The following ZNF595 variants were observed in gnomAD, a reference collection of about 807,000 sequenced individuals.
ZNF595 encodes zinc finger protein 595.
In ZNF595, 9 loss-of-function variants were observed where a neutral mutation model predicts 19.4. The ratio of observed to expected loss-of-function variants is 0.46; its 90% confidence interval spans 0.28 to 0.81. ZNF595 has a LOEUF of 0.81. Ranked by LOEUF, ZNF595 falls within the 30% of genes least tolerant of loss-of-function variation. The probability of loss-of-function intolerance (pLI) is 0.11; values close to 1 mark genes in which losing one functional copy is unlikely to be tolerated. For synonymous variants in ZNF595, 255 were observed against 255.9 expected (o/e 1.00, Z 0.03); for missense variants, 729 against 736.0 (o/e 0.99, Z 0.11).
At position 81,155 on chromosome 4, in the gene ZNF595, C is replaced by G. The variant is rs576143373; in HGVS notation, c.227-4576C>G. 5.3e-5 allele frequency among the ~76,000 whole-genome samples: 8 copies of G among 152,286 alleles called. No homozygotes were observed. In the South Asian group the frequency reaches 1.0e-3, roughly 20 times the overall value. ...GCTTCATGCATGTCCCTGCAAAGGA[C>G]GTGAACTCATTCTTTTTTATGGCTG... On this transcript the variant is annotated intron_variant, in intron 3 of 3. Coordinates refer to ENST00000610261, the MANE Select transcript of ZNF595 (RefSeq NM_182524.4).
chr4:70,481 G>A (rs1245330838), intron 3 of ZNF595, among the ~76,000 whole-genome samples: 2 of 151,928 alleles, frequency 1.3e-5, no homozygotes, highest in Non-Finnish European at 2.9e-5. Flanking sequence ...GGGACTACAG[G>A]CGTGCACCCC....
intron 3 of ZNF595, among the ~76,000 whole-genome samples, chr4:78,796 G>A (rs1305931844): frequency 6.6e-6 from 1 of 151,990 alleles, no homozygotes; most frequent in Non-Finnish European, 1.5e-5. Context: ...TCAGCTTACC[G>A]CAGCCTCCTG....
chr4:85,140 T>A (rs980209033), intron 3 of ZNF595, among the ~76,000 whole-genome samples: 1 of 152,208 alleles, frequency 6.6e-6, no homozygotes, highest in African/African-American at 2.4e-5. Context: ...TGTTTGTTTT[T>A]CAGTGAAAAG....
chr4:84,129 A>G (rs1330161216), intron 3 of ZNF595, among the ~76,000 whole-genome samples: 2 of 152,122 alleles, frequency 1.3e-5, no homozygotes, highest in Non-Finnish European at 2.9e-5. Flanking sequence ...TTTGTTATTA[A>G]TGTCACTAAT....
At chr4:80,302 C>T (rs553295310) in intron 3 of ZNF595, among the ~76,000 whole-genome samples, 18 of 152,124 alleles carry the variant, frequency 1.2e-4, no homozygotes, top group Non-Finnish European at 1.9e-4. Context: ...TATAGGCGTG[C>T]GCCACCGCGC....
At chr4:75,802 G>A (rs1219951415) in intron 3 of ZNF595, among the ~76,000 whole-genome samples, 1 of 146,298 alleles carries the variant, frequency 6.8e-6, no homozygotes, top group East Asian at 2.0e-4. Flanking sequence ...TTTTTGGGGG[G>A]TTTTTTGGTT....
rs781898625 is a variant in ZNF595 at position 87,071 on chromosome 4, C to G, written c.1567C>G (p.Leu523Val). The G allele has an allele frequency of 6.2e-7, 1 of 1,613,806 alleles. No homozygotes were observed. The highest frequency in any genetic ancestry group is 1.1e-5 in the South Asian group (1 of 91,050). ...CAAAGCTTTTAACCAATCCTCAGGC[C>G]TTATTATACACAGGAGCATTCATTC... ...CGKAFNQSSG[L>V]IIHRSIHSEQ... The change falls in exon 4 of 4, where the codon CTT (leucine) becomes GTT (valine). Residue 523 changes from leucine (L) to valine (V), a missense_variant. Leu to Val is a conservative substitution (Grantham distance 32, BLOSUM62 1). Around this residue, in one of 2 missense-constraint regions of ZNF595, gnomAD observed 729 missense variants for 675.3 expected, o/e 1.08. Coordinates refer to ENST00000610261, the MANE Select transcript of ZNF595 (RefSeq NM_182524.4).
At chr4:76,311 T>C (rs1713657401) in intron 3 of ZNF595, among the ~76,000 whole-genome samples, 1 of 152,272 alleles carries the variant, frequency 6.6e-6, no homozygotes, top group South Asian at 2.1e-4. Flanking sequence ...CAAGCAAAAG[T>C]TAACTTATGT....
In ZNF595 at chr4:85,953, G is replaced by A. The variant is rs1189335219; in HGVS notation, c.449G>A (p.Cys150Tyr). ...TQSKIFQCNTCVKVFSKFSNS... is the reference protein window; with the variant it reads ...TQSKIFQCNTYVKVFSKFSNS... ...AGCAAAATATTTCAATGTAATACAT[G>A]TGTTAAAGTTTTTAGTAAATTTTCA... is the stretch of plus-strand genomic sequence containing the variant. The change falls in exon 4 of 4, where the codon TGT becomes TAT. Residue 150 changes from cysteine to tyrosine, a missense_variant. By Grantham distance (194) the Cys-to-Tyr change is radical. Transcript: ENST00000610261. 9.3e-6 allele frequency: 15 copies of A among 1,611,094 alleles called. No individual in the cohort carries two copies. The highest frequency in any genetic ancestry group is 1.3e-5 in the Non-Finnish European group (15 of 1,178,320).
intron 3 of ZNF595, among the ~76,000 whole-genome samples, chr4:84,801 C>A (rs1459115124): frequency 6.6e-6 from 1 of 152,052 alleles, no homozygotes; most frequent in Non-Finnish European, 1.5e-5. Context: ...ACGTTTTCAT[C>A]GATACCTCAT....
At chr4:81,929 C>G (rs1415268285) in intron 3 of ZNF595, among the ~76,000 whole-genome samples, 1 of 152,090 alleles carries the variant, frequency 6.6e-6, no homozygotes, top group African/African-American at 2.4e-5. Context: ...GAGAAATTTG[C>G]ATTGCTTTCA....
rs182981764 is a variant in ZNF595, at chr4:70,641, T to C, written c.226+10488T>C. Reference sequence around the variant, plus strand: ...ATGAGTCAGCATGCTCAGCCTCCAATAAATATTCTTGACACCTTTGTCAAA... The same window carrying C: ...ATGAGTCAGCATGCTCAGCCTCCAACAAATATTCTTGACACCTTTGTCAAA... On this transcript the variant is annotated intron_variant, in intron 3 of 3. Coordinates refer to ENST00000610261, the MANE Select transcript of ZNF595 (RefSeq NM_182524.4). Among the ~76,000 whole-genome samples the C allele has an allele frequency of 2.7e-3, 411 of 152,358 alleles. 3 individuals are homozygous for C. The highest frequency in any genetic ancestry group is 9.1e-3 in the South Asian group (44 of 4,828).
At chr4:71,278 T>A (rs1713422013) in intron 3 of ZNF595, among the ~76,000 whole-genome samples, 2 of 152,276 alleles carry the variant, frequency 1.3e-5, no homozygotes, top group African/African-American at 4.8e-5. Flanking sequence ...AACAAAGATA[T>A]AATTTGACTT....
chr4:74,437 T>G (rs1553798365), intron 3 of ZNF595, among the ~76,000 whole-genome samples: 1 of 152,242 alleles, frequency 6.6e-6, no homozygotes, highest in African/African-American at 2.4e-5. Context: ...ATTATCATAT[T>G]TGTCTGTTTT....
At chr4:66,280 T>C (rs1409617803) in intron 3 of ZNF595, among the ~76,000 whole-genome samples, 1 of 152,168 alleles carries the variant, frequency 6.6e-6, no homozygotes, top group South Asian at 2.1e-4. Flanking sequence ...AATTGTGTAT[T>C]TCATCTTTGG....
At position 87,651 on chromosome 4, in the gene ZNF595, T is replaced by G; in HGVS notation, c.*200T>G. The stretch of plus-strand genomic sequence containing the variant: ...ATGACATGTAATTATCACATCAGAG[T>G]AAATGAGTTATTCTTCACAAGCATT... On this transcript the variant is annotated 3_prime_UTR_variant, in exon 4 of 4. Transcript: ENST00000610261. 1 of 419,802 alleles carries G rather than the reference T, an allele frequency of 2.4e-6. No homozygotes were observed. The allele number at this position is 419,802 out of a possible 1,614,324, so 26.0% of individuals were successfully genotyped here.
At chr4:80,479 C>A (rs1249525581) in intron 3 of ZNF595, among the ~76,000 whole-genome samples, 1 of 152,012 alleles carries the variant, frequency 6.6e-6, no homozygotes, top group African/African-American at 2.4e-5. Context: ...CATGCGCATC[C>A]GTGTGAAAAG....
At chr4:75,140 G>A (rs1215695171) in intron 3 of ZNF595, among the ~76,000 whole-genome samples, 1 of 151,834 alleles carries the variant, frequency 6.6e-6, no homozygotes, top group African/African-American at 2.4e-5. Flanking sequence ...TAACGTATGT[G>A]TGTCCTTAAC....
At position 87,177 on chromosome 4, in the gene ZNF595, A is replaced by T; in HGVS notation, c.1673A>T (p.His558Leu). The change falls in exon 4 of 4, where the codon CAT becomes CTT. Residue 558 changes from histidine to leucine, a missense_variant. Physicochemically the swap from His to Leu is moderately conservative, Grantham distance 99. Around this residue, in one of 2 missense-constraint regions of ZNF595, gnomAD observed 729 missense variants for 675.3 expected, o/e 1.08. Transcript: ENST00000610261. ...STALNEHKKIHSGEKPYKCKE... is the reference protein window; with the variant it reads ...STALNEHKKILSGEKPYKCKE... ...GCCCTGAATGAACATAAGAAAATTC[A>T]TTCTGGAGAGAAACCCTACAAATGC... The T allele has an allele frequency of 6.2e-7, 1 of 1,613,944 alleles. No homozygotes were observed. Among genetic ancestry groups the T allele is most frequent in the Non-Finnish European group, 8.5e-7 (1 of 1,179,856 alleles).
Sources: allele counts gnomAD v4.1 joint callset (sites outside exome capture counted in the v4.1 genomes callset), GRCh38; gene constraint gnomAD v4.1.1; regional missense constraint gnomAD v4.1.1; transcripts MANE v1.5; gene names NCBI Gene and HGNC (gene_info 2026-07-23, HGNC 2026-07-21).